RLF: variants seen among roughly 807,000 people sequenced by gnomAD.
The protein encoded by RLF is zinc finger protein Rlf.
In RLF, 7 loss-of-function variants were observed where a neutral mutation model predicts 162.9. The ratio of observed to expected loss-of-function variants is 0.04; its 90% CI spans 0.02 to 0.08. RLF has a LOEUF of 0.08. RLF is among the 10% of genes least tolerant of loss of function. The probability of loss-of-function intolerance (pLI) is 1.00; values close to 1 mark genes in which losing one functional copy is unlikely to be tolerated. For missense variants in RLF, 1,664 were observed against 2,244.7 expected (o/e 0.74, Z 5.23); for synonymous variants, 782 against 791.5 (o/e 0.99, Z 0.20).
intron 6 of RLF, among the ~76,000 whole-genome samples, chr1:40,228,888 C>T (rs187044441): frequency 6.6e-6 from 1 of 152,246 alleles, no homozygotes; most frequent in African/African-American, 2.4e-5. Context: ...AAATCCTGGG[C>T]TCAATGACCA....
At chr1:40,219,832 A>T (rs1346003815) in intron 5 of RLF, among the ~76,000 whole-genome samples, 1 of 152,252 alleles carries the variant, frequency 6.6e-6, no homozygotes, top group Non-Finnish European at 1.5e-5. Flanking sequence ...GGAGAAAGTT[A>T]AGTTTAATTT....
At position 40,240,682 on chromosome 1, in the gene RLF, A is replaced by G; in HGVS notation, c.*235A>G. 2.1e-6 allele frequency: 1 copy of G among 467,218 alleles called. No individual in the cohort carries two copies. Among genetic ancestry groups the G allele is most frequent in the South Asian group, 2.7e-5 (1 of 36,612 alleles). The allele number at this position is 467,218 out of a possible 1,614,324, so 28.9% of individuals were successfully genotyped here. ...TTGTTTATTAAAAAAATGGAACTGTACACTTGTTTGGTGCTAATTAATACA... is the reference window on the plus strand; with the variant it reads ...TTGTTTATTAAAAAAATGGAACTGTGCACTTGTTTGGTGCTAATTAATACA... On this transcript the variant is annotated 3_prime_UTR_variant, in exon 8 of 8. Coordinates refer to ENST00000372771, the MANE Select transcript of RLF (RefSeq NM_012421.4).
At chr1:40,234,476 C>A (rs997304064) in intron 7 of RLF, among the ~76,000 whole-genome samples, 1 of 152,152 alleles carries the variant, frequency 6.6e-6, no homozygotes, top group African/African-American at 2.4e-5. Context: ...GAATTAAATG[C>A]CTGGCAAATT....
Position 40,240,376 on chromosome 1 carries a change from A to C in RLF, c.5674A>C (p.Lys1892Gln). Residue 1892 changes from lysine (K) to glutamine (Q), a missense_variant, in exon 8 of 8, where the codon AAG becomes CAG. Lys to Gln is a moderately conservative substitution (Grantham distance 53, BLOSUM62 1). This residue lies in a region of RLF where 27 missense variants were observed against 52.5 expected (regional missense o/e 0.51). Transcript: ENST00000372771. ...LRPVVVLERS[K>Q]FSTPILDLFP... ...GCCAGTGGTGGTTCTTGAAAGATCTAAGTTTTCCACACCAATTTTAGACTT... is the reference window on the plus strand; with the variant it reads ...GCCAGTGGTGGTTCTTGAAAGATCTCAGTTTTCCACACCAATTTTAGACTT... 4 of 1,614,152 alleles carry C rather than the reference A, an allele frequency of 2.5e-6. No homozygotes were observed. Among genetic ancestry groups the C allele is most frequent in the Non-Finnish European group, 3.4e-6 (4 of 1,180,008 alleles).
intron 5 of RLF, among the ~76,000 whole-genome samples, chr1:40,211,697 C>G (rs777555585): frequency 2.6e-5 from 4 of 152,194 alleles, no homozygotes; most frequent in South Asian, 2.1e-4. Flanking sequence ...TATCGGCTCA[C>G]TGCAACCTCT....
chr1:40,173,391 T>TTA (rs1360491626), intron 1 of RLF, among the ~76,000 whole-genome samples: 2 of 152,124 alleles, frequency 1.3e-5, no homozygotes, highest in Non-Finnish European at 2.9e-5. Flanking sequence ...TCAGGTATTT[T>TTA]TATATGTATC....
chr1:40,233,033 G>C lies in RLF; in HGVS notation c.1089+1375G>C, dbSNP rs377543504. Reference sequence around the variant, plus strand: ...CTGCTTGAACTTGGGAGGCAGAGGTGGCAGTGAGCCGAGATCACACCATTG... The same window carrying C: ...CTGCTTGAACTTGGGAGGCAGAGGTCGCAGTGAGCCGAGATCACACCATTG... On this transcript the variant is annotated intron_variant, in intron 7 of 7. Transcript: ENST00000372771. Among the ~76,000 whole-genome samples the C allele has an allele frequency of 8.6e-5, 13 of 150,842 alleles. 1 individual carries two copies. Among genetic ancestry groups the C allele is most frequent in the East Asian group, 3.9e-4 (2 of 5,110 alleles).
At position 40,195,775 on chromosome 1, in the gene RLF, A is replaced by AG. The variant is rs1427331666; in HGVS notation, c.607+12dup. 6.2e-7 allele frequency: 1 copy of AG among 1,607,570 alleles called. No individual in the cohort carries two copies. Among genetic ancestry groups the AG allele is most frequent in the Admixed American group, 1.7e-5 (1 of 58,668 alleles). The stretch of plus-strand genomic sequence containing the variant: ...TAGAAACGGAGGAAGGTAAGTCTTA[A>AG]GACTATATTGGATGAGGATTTAGTT... On this transcript the variant is annotated intron_variant, in intron 4 of 7. Transcript: ENST00000372771.
intron 1 of RLF, among the ~76,000 whole-genome samples, chr1:40,187,824 C>T (rs1474045591): frequency 6.6e-6 from 1 of 152,096 alleles, no homozygotes; most frequent in East Asian, 1.9e-4. Flanking sequence ...CAGCAGAATC[C>T]TGCGCTACTA....
At chr1:40,185,849 A>G (rs1350848590) in intron 1 of RLF, among the ~76,000 whole-genome samples, 2 of 144,418 alleles carry the variant, frequency 1.4e-5, no homozygotes, top group Admixed American at 6.8e-5. Flanking sequence ...AAAGCAAAAA[A>G]AAAAAAAAAA....
Position 40,202,573 on chromosome 1 carries a change from T to A in RLF, c.769T>A (p.Cys257Ser). The A allele has an allele frequency of 6.4e-7, 1 of 1,559,524 alleles. No homozygotes were observed. The highest frequency in any genetic ancestry group is 8.6e-7 in the Non-Finnish European group (1 of 1,163,972). Residue 257 changes from cysteine (C) to serine (S), a missense_variant, in exon 5 of 8, where the codon TGT (cysteine) becomes AGT (serine). Physicochemically the swap from Cys to Ser is moderately radical, Grantham distance 112 (BLOSUM62 -1). Around this residue, in one of 15 missense-constraint regions of RLF, gnomAD observed 287 missense variants for 404.9 expected, o/e 0.71. Transcript: ENST00000372771. ...ATCTTTTCAGCAAGCCTATATCACATGTTTATGTTCTATGCTCCCTAATGA... is the reference window on the plus strand; with the variant it reads ...ATCTTTTCAGCAAGCCTATATCACAAGTTTATGTTCTATGCTCCCTAATGA... ...VSSFQQAYIT[C>S]LCSMLPNEDA...
chr1:40,209,877 TAAA>T (rs76437844), intron 5 of RLF, among the ~76,000 whole-genome samples: 5 of 130,610 alleles, frequency 3.8e-5, no homozygotes, highest in Admixed American at 3.0e-4. Context: ...GACTCCGTCT[TAAA>T]AAAAAAAAAA....
At chr1:40,199,669 G>A (rs993018961) in intron 4 of RLF, among the ~76,000 whole-genome samples, 2 of 152,172 alleles carry the variant, frequency 1.3e-5, no homozygotes, top group African/African-American at 2.4e-5. Context: ...TTTGCAAGGC[G>A]ATAGGTTGTG....
chr1:40,215,544 GAAAAA>G (rs766144410), intron 5 of RLF, among the ~76,000 whole-genome samples: 2 of 150,568 alleles, frequency 1.3e-5, no homozygotes, highest in Non-Finnish European at 3.0e-5. Context: ...ATGGATTAAA[GAAAAA>G]AAAAGAAATT....
chr1:40,171,018 G>T lies in RLF; in HGVS notation c.237+9382G>T, dbSNP rs1301801429. 1.3e-4 allele frequency among the ~76,000 whole-genome samples: 13 copies of T among 100,306 alleles called. 1 individual carries two copies. The highest frequency in any genetic ancestry group is 4.4e-4 in the East Asian group (2 of 4,596). The allele number at this position is 100,306 out of a possible 152,430, so 65.8% of individuals were successfully genotyped here. A position where few individuals can be genotyped will look rare whatever the true frequency, so the allele number is the denominator to read the frequency against. ...ATTTGATTTGATAGTGTTTTTGTTT[G>T]TTTGTTTGTTTGTTTGTTTTAATTT... On this transcript the variant is annotated intron_variant, in intron 1 of 7. Transcript: ENST00000372771.
chr1:40,189,266 G>A, intron 2 of RLF, 57 bp downstream of exon 2: 1 of 1,435,794 alleles, frequency 7.0e-7, no homozygotes, highest in Non-Finnish European at 9.6e-7. Context: ...CGTGTTGTTT[G>A]CCTGGTTTCT....
intron 7 of RLF, among the ~76,000 whole-genome samples, chr1:40,234,533 A>G (rs1024923992): frequency 1.3e-5 from 2 of 152,208 alleles, no homozygotes; most frequent in Non-Finnish European, 2.9e-5. Context: ...TTTACATTGT[A>G]TTCTGTTAAA....
intron 5 of RLF, among the ~76,000 whole-genome samples, chr1:40,215,729 G>T (rs1048762566): frequency 6.6e-6 from 1 of 151,946 alleles, no homozygotes; most frequent in African/African-American, 2.4e-5. Context: ...CTACAGGCAT[G>T]AGCCACCATG....
rs1255418759 is a variant in RLF, at chr1:40,182,785, ATAG to A, written c.238-6269_238-6267del. 9.2e-5 allele frequency among the ~76,000 whole-genome samples: 14 copies of A among 152,258 alleles called. 1 individual carries two copies. Among genetic ancestry groups the A allele is most frequent in the African/African-American group, 3.4e-4 (14 of 41,560 alleles). ...GATAGATAGATAGATAGATAGATAG[ATAG>A]ATAGAGTAATAAGTTAGTCATATCA... On this transcript the variant is annotated intron_variant, in intron 1 of 7. Coordinates refer to ENST00000372771, the MANE Select transcript of RLF (RefSeq NM_012421.4).
Sources: gnomAD v4.1 joint callset for allele counts (sites outside exome capture counted in the v4.1 genomes callset) on GRCh38, gnomAD v4.1.1 for gene constraint, gnomAD v4.1.1 regional missense constraint, MANE v1.5 for transcripts, NCBI Gene and HGNC (gene_info 2026-07-23, HGNC 2026-07-21) for gene names.